JAK3: variants seen among roughly 807,000 people sequenced by gnomAD.
The protein encoded by JAK3 is Janus kinase 3, also known as tyrosine-protein kinase JAK3.
A neutral mutation model predicts 120.8 loss-of-function variants in JAK3; 88 were observed. The observed-to-expected ratio is 0.73, with a 90% confidence interval of 0.61 to 0.87. JAK3 has a LOEUF of 0.87. Ranked by LOEUF, JAK3 falls within the 40% of genes least tolerant of loss-of-function variation. JAK3 has a pLI of 0.00. For synonymous variants in JAK3, 592 were observed against 628.6 expected (o/e 0.94, Z 0.87); for missense variants, 1,254 against 1,501.4 (o/e 0.84, Z 2.72).
At position 17,844,370 on chromosome 19, in the gene JAK3, G is replaced by A. The variant is rs1057520953; in HGVS notation, c.48C>T (p.Cys16=). Reference sequence around the variant, plus strand: ...CACCAGCCTCCGTGGACAAGAGGCTGCATGAACGCTGAGGGATCAGGGGCG... The same window carrying A: ...CACCAGCCTCCGTGGACAAGAGGCTACATGAACGCTGAGGGATCAGGGGCG... ...EETPLIPQRS[C]SLLSTEAGAL... Residue 16 remains cysteine (C), a synonymous_variant, in exon 2 of 24, where the codon TGC becomes TGT. Coordinates refer to ENST00000458235, the MANE Select transcript of JAK3 (RefSeq NM_000215.4). 7 of 1,612,292 alleles carry A rather than the reference G, an allele frequency of 4.3e-6. No individual in the cohort carries two copies. Among genetic ancestry groups the A allele is most frequent in the Non-Finnish European group, 5.9e-6 (7 of 1,179,722 alleles).
chr19:17,839,652 A>C lies in JAK3; in HGVS notation c.1266T>G (p.Gly422=), dbSNP rs754562580. ...GGATGAGGCAGCCCTTATAATCAGG[A>C]CCAAGGGGGTTCTGCAAAGAAGAGT... The part of the protein sequence containing the change: ...LLTVCVQNPL[G]PDYKGCLIRR... Residue 422 remains glycine (G), a synonymous_variant, in exon 10 of 24, where the codon GGT becomes GGG. Transcript: ENST00000458235. 1.2e-6 allele frequency: 2 copies of C among 1,610,286 alleles called. No homozygotes were observed. The highest frequency in any genetic ancestry group is 1.7e-6 in the Non-Finnish European group (2 of 1,178,928).
In JAK3 at chr19:17,842,901, C is replaced by G; in HGVS notation, c.566+126G>C. 2 of 1,365,412 alleles carry G rather than the reference C, an allele frequency of 1.5e-6. No homozygotes were observed. Among genetic ancestry groups the G allele is most frequent in the Non-Finnish European group, 2.0e-6 (2 of 978,894 alleles). The allele number at this position is 1,365,412 out of a possible 1,614,324, so 84.6% of individuals were successfully genotyped here. On this transcript the variant is annotated intron_variant, in intron 5 of 23. Coordinates refer to ENST00000458235, the MANE Select transcript of JAK3 (RefSeq NM_000215.4). This position sits in a 1 kb window ranked among gnomAD's most constrained non-coding sequence, Gnocchi z 6.4. ...GAGAGGGCTGGGTTCGTGGGAGGCCCTGGGTCATAGGAACACCCTGAAAGC... is the reference window on the plus strand; with the variant it reads ...GAGAGGGCTGGGTTCGTGGGAGGCCGTGGGTCATAGGAACACCCTGAAAGC...
In JAK3 at chr19:17,832,664, G is replaced by A. The variant is rs200746503; in HGVS notation, c.2535C>T (p.Gly845=). The part of the protein sequence containing the change: ...SVELCRYDPL[G]DNTGALVAVK... ...CGGCCACCAGGGCACCTGTATTGTC[G>A]CCTAGCGGGTCATAGCGGCACAGCT... is the stretch of plus-strand genomic sequence containing the variant. Residue 845 remains glycine (G), a synonymous_variant, in exon 19 of 24, where the codon GGC becomes GGT. Transcript: ENST00000458235. The surrounding 1 kb of genome is among the most constrained non-coding windows in gnomAD (Gnocchi z 4.7). The A allele has an allele frequency of 3.9e-5, 63 of 1,614,086 alleles. No individual in the cohort carries two copies. Among genetic ancestry groups the A allele is most frequent in the Non-Finnish European group, 4.9e-5 (58 of 1,180,046 alleles).
intron 10 of JAK3, chr19:17,839,172 G>C (rs1185622640): frequency 1.9e-6 from 1 of 515,798 alleles, no homozygotes; most frequent in East Asian, 4.7e-5. Flanking sequence ...AGACTCAGAA[G>C]AACTCACATC....
chr19:17,830,838 A>C, intron 21 of JAK3, among the ~76,000 whole-genome samples: 1 of 81,548 alleles, frequency 1.2e-5, no homozygotes, highest in African/African-American at 5.0e-5. Context: ...CGGGGGCAGC[A>C]CGGAGGGGCG....
In JAK3 at chr19:17,842,433, G is replaced by T. The variant is rs768699076; in HGVS notation, c.744C>A (p.Ala248=). ...CCACGTGGAAGGTCTCGGCGGCCCC[G>T]GCTGGATCCAGCCGCTCCAGGTCCA... ...YIMDLERLDP[A]GAAETFHVGL... The change falls in exon 6 of 24, where the codon GCC becomes GCA. Residue 248 remains alanine (A), a synonymous_variant. Coordinates refer to ENST00000458235, the MANE Select transcript of JAK3 (RefSeq NM_000215.4). This position sits in a 1 kb window ranked among gnomAD's most constrained non-coding sequence, Gnocchi z 6.4. 1 of 1,585,598 alleles carries T rather than the reference G, an allele frequency of 6.3e-7. No homozygotes were observed. The highest frequency in any genetic ancestry group is 8.6e-7 in the Non-Finnish European group (1 of 1,168,534).
intron 10 of JAK3, 63 bp from the exon 11 acceptor site, chr19:17,838,453 C>G (rs1199768962): frequency 6.3e-7 from 1 of 1,598,988 alleles, no homozygotes; most frequent in Non-Finnish European, 8.6e-7. Flanking sequence ...CAAGGGTTAG[C>G]TAACTCATGC....
chr19:17,840,505 T>C (rs949503343), intron 8 of JAK3, among the ~76,000 whole-genome samples, 164 bp from the exon 9 acceptor site: 3 of 152,086 alleles, frequency 2.0e-5, no homozygotes, highest in Non-Finnish European at 4.4e-5. Context: ...GGCTCACGCC[T>C]GTAATCCCAG....
At position 17,832,577 on chromosome 19, in the gene JAK3, G is replaced by A. The variant is rs1344516554; in HGVS notation, c.2622C>T (p.Ile874=). 1 of 1,614,246 alleles carries A rather than the reference G, an allele frequency of 6.2e-7. No homozygotes were observed. Among genetic ancestry groups the A allele is most frequent in the South Asian group, 1.1e-5 (1 of 91,086 alleles). ...TGAAATCACTGTGCAGTGCTTTGAG[G>A]ATCTGAATCTCCCGCTGAAAGTCCC... is the stretch of plus-strand genomic sequence containing the variant. ...QQRDFQREIQ[I]LKALHSDFIV... Residue 874 remains isoleucine (I), a synonymous_variant, in exon 19 of 24, where the codon ATC becomes ATT. Transcript: ENST00000458235. The surrounding 1 kb of genome is among the most constrained non-coding windows in gnomAD (Gnocchi z 4.7).
In JAK3 at chr19:17,824,919, G is replaced by C; in HGVS notation, c.*1824C>G. The C allele has an allele frequency of 4.6e-6, 1 of 219,138 alleles. No individual in the cohort carries two copies. Among genetic ancestry groups the C allele is most frequent in the Non-Finnish European group, 9.2e-6 (1 of 109,198 alleles). 13.6% of individuals were successfully genotyped at this position (219,138 alleles called of 1,614,324 possible). On this transcript the variant is annotated 3_prime_UTR_variant, in exon 24 of 24. Coordinates refer to ENST00000458235, the MANE Select transcript of JAK3 (RefSeq NM_000215.4). ...AGACACTTCCCCAGCCCCAGGGCCA[G>C]AGTGGGGCTGGAGGGAAGGACAGGG...
At position 17,842,322 on chromosome 19, in the gene JAK3, T is replaced by C; in HGVS notation, c.855A>G (p.Glu285=). 6.4e-7 allele frequency: 1 copy of C among 1,570,054 alleles called. No homozygotes were observed. The highest frequency in any genetic ancestry group is 8.6e-7 in the Non-Finnish European group (1 of 1,163,226). ...GDGGIAWTQG[E]QEVLQPFCDF... is the part of the protein sequence containing the mutation. ...CGGGGGAGTCCGCCCTCACCTCCTG[T>C]TCTCCCTGGGTCCAGGCGATGCCGC... Residue 285 remains glutamate, a synonymous_variant, in exon 6 of 24, where the codon GAA becomes GAG. Coordinates refer to ENST00000458235, the MANE Select transcript of JAK3 (RefSeq NM_000215.4). The surrounding 1 kb of genome is among the most constrained non-coding windows in gnomAD (Gnocchi z 6.4).
At position 17,834,701 on chromosome 19, in the gene JAK3, G is replaced by T; in HGVS notation, c.2220C>A (p.Asp740Glu). Residue 740 changes from aspartate to glutamate, a missense_variant, in exon 17 of 24, where the codon GAC becomes GAA. Physicochemically the swap from Asp to Glu is conservative, Grantham distance 45. Coordinates refer to ENST00000458235, the MANE Select transcript of JAK3 (RefSeq NM_000215.4). ...DPAKKLQFYE[D>E]RQQLPAPKWT... ...ACTTGGGGGCCGGCAGCTGCTGCCG[G>T]TCCTCATAAAATTGGAGTTTCTGAG... is the stretch of plus-strand genomic sequence containing the variant. The T allele has an allele frequency of 6.2e-7, 1 of 1,614,126 alleles. No homozygotes were observed. Among genetic ancestry groups the T allele is most frequent in the African/African-American group, 1.3e-5 (1 of 75,036 alleles).
At position 17,842,705 on chromosome 19, in the gene JAK3, G is replaced by T; in HGVS notation, c.567-95C>A. ...CCCAGGCTTTAGCCCAGGGGCTGGGGTGCGGCCCTAGTTGGGGCACCAGGC... is the reference window on the plus strand; with the variant it reads ...CCCAGGCTTTAGCCCAGGGGCTGGGTTGCGGCCCTAGTTGGGGCACCAGGC... On this transcript the variant is annotated intron_variant, in intron 5 of 23. Transcript: ENST00000458235. This position sits in a 1 kb window ranked among gnomAD's most constrained non-coding sequence, Gnocchi z 6.4. 7.7e-7 allele frequency: 1 copy of T among 1,304,696 alleles called. No homozygotes were observed. Among genetic ancestry groups the T allele is most frequent in the South Asian group, 1.5e-5 (1 of 67,088 alleles). The allele number at this position is 1,304,696 out of a possible 1,614,324, so 80.8% of individuals were successfully genotyped here. A position where few individuals can be genotyped will look rare whatever the true frequency, so the allele number is the denominator to read the frequency against.
chr19:17,842,181 C>G lies in JAK3; in HGVS notation c.861+135G>C, dbSNP rs1467019010. The stretch of plus-strand genomic sequence containing the variant: ...CCGCAGTCTCCTCCCTCACTAAGCC[C>G]CGCCCCTCATTAAGCCTCGCCCACT... On this transcript the variant is annotated intron_variant, in intron 6 of 23. Transcript: ENST00000458235. This position sits in a 1 kb window ranked among gnomAD's most constrained non-coding sequence, Gnocchi z 6.4. The G allele has an allele frequency of 1.0e-6, 1 of 995,396 alleles. No homozygotes were observed. The highest frequency in any genetic ancestry group is 1.6e-5 in the African/African-American group (1 of 61,176). 61.7% of individuals were successfully genotyped at this position (995,396 alleles called of 1,614,324 possible). A position where few individuals can be genotyped will look rare whatever the true frequency, so the allele number is the denominator to read the frequency against.
chr19:17,830,197 A>G lies in JAK3; in HGVS notation c.3118T>C (p.Cys1040Arg), dbSNP rs372936446. 3 of 1,584,780 alleles carry G rather than the reference A, an allele frequency of 1.9e-6. No individual in the cohort carries two copies. The highest frequency in any genetic ancestry group is 2.6e-6 in the Non-Finnish European group (3 of 1,166,984). ...PSAEFLRMMGCERDVPALCRL... is the reference protein window; with the variant it reads ...PSAEFLRMMGRERDVPALCRL... ...CAGAGGGCGGGGACATCCCGCTCAC[A>G]TCCCATCATCCGCAGGAACTCCTGG... Residue 1040 changes from cysteine to arginine, a missense_variant, in exon 23 of 24, where the codon TGT becomes CGT. By Grantham distance (180) the Cys-to-Arg change is radical. Around this residue, in one of 3 missense-constraint regions of JAK3, gnomAD observed 630 missense variants for 819.8 expected, o/e 0.77. Transcript: ENST00000458235.
chr19:17,839,738 CTTTTTTTTTT>C, intron 9 of JAK3, 75 bp from the exon 10 acceptor site: 9 of 795,744 alleles, frequency 1.1e-5, no homozygotes, highest in East Asian at 3.1e-5. Context: ...CCTTTTTTTT[CTTTTTTTTTT>C]TTTTTTTTTG....
chr19:17,846,223 C>T (rs556878810), intron 1 of JAK3, among the ~76,000 whole-genome samples: 25 of 152,224 alleles, frequency 1.6e-4, no homozygotes, highest in Non-Finnish European at 2.9e-4. Flanking sequence ...GTCTGCTGAG[C>T]GCAATCCAGG....
chr19:17,844,025 A>G, intron 2 of JAK3, 125 bp from the exon 3 acceptor site: 1 of 1,313,468 alleles, frequency 7.6e-7, no homozygotes, highest in Non-Finnish European at 1.1e-6. Flanking sequence ...TGTTCCCTTC[A>G]TGTGCCGTCA....
Position 17,834,904 on chromosome 19 carries a change from C to T in JAK3, c.2147G>A (p.Trp716Ter). The change falls in exon 16 of 24, where the codon TGG becomes TAG. Residue 716 changes from tryptophan to a stop codon, truncating the protein, a stop_gained. Coordinates refer to ENST00000458235, the MANE Select transcript of JAK3 (RefSeq NM_000215.4). LOFTEE classifies it high-confidence loss of function. ...ADKWGFGATV[W>*]EVFSGVTMPI... is the part of the protein sequence containing the mutation. ...CATGGTGACGCCACTAAACACTTCC[C>T]AGACCGTGGCGCCGAAGCCCCACTT... 1.2e-6 allele frequency: 2 copies of T among 1,614,162 alleles called. No homozygotes were observed. The highest frequency in any genetic ancestry group is 1.7e-6 in the Non-Finnish European group (2 of 1,180,028).
Sources: gnomAD v4.1 joint callset for allele counts (sites outside exome capture counted in the v4.1 genomes callset) on GRCh38, gnomAD v4.1.1 for gene constraint, gnomAD v4.1.1 regional missense constraint, Gnocchi (gnomAD v3.1) non-coding constraint, MANE v1.5 for transcripts, NCBI Gene and HGNC (gene_info 2026-07-23, HGNC 2026-07-21) for gene names.